Variants in TAFA1 observed in about 807,000 individuals in gnomAD.
TAFA1 encodes the protein TAFA chemokine like family member 1, also known as chemokine-like protein TAFA-1.
Under a neutral mutation model 18.5 loss-of-function variants are expected in TAFA1, and 4 were observed. The observed-to-expected ratio is 0.22, with a 90% CI of 0.11 to 0.49. The LOEUF is 0.49. TAFA1 is among the 20% of genes least tolerant of loss of function. TAFA1 has a pLI of 0.98. For synonymous variants in TAFA1, 56 were observed against 55.2 expected (o/e 1.01, Z -0.06); for missense variants, 147 against 169.0 (o/e 0.87, Z 0.72).
intron 2 of TAFA1, among the ~76,000 whole-genome samples, chr3:68,100,498 T>A (rs546600140): frequency 3.5e-4 from 53 of 152,076 alleles, no homozygotes; most frequent in Non-Finnish European, 5.9e-4. Context: ...GCCACCAGAT[T>A]GGTCTTTTGC....
At chr3:68,210,270 C>T (rs774977716) in intron 2 of TAFA1, among the ~76,000 whole-genome samples, 1 of 151,942 alleles carries the variant, frequency 6.6e-6, no homozygotes, top group Non-Finnish European at 1.5e-5. Context: ...TGTCTGAAGG[C>T]CTGGATTTTA....
chr3:68,313,534 G>A (rs899887046), intron 2 of TAFA1, among the ~76,000 whole-genome samples: 1 of 152,154 alleles, frequency 6.6e-6, no homozygotes, highest in Non-Finnish European at 1.5e-5. Flanking sequence ...CCGCAAAGTT[G>A]TTCAAATAAA....
At chr3:68,325,502 GT>G (rs879919970) in intron 2 of TAFA1, among the ~76,000 whole-genome samples, 1 of 152,134 alleles carries the variant, frequency 6.6e-6, no homozygotes, top group Non-Finnish European at 1.5e-5. Flanking sequence ...CTCAGTGCAT[GT>G]TTGTATCTAC....
chr3:68,070,516 A>G (rs910619694), intron 2 of TAFA1, among the ~76,000 whole-genome samples: 4 of 152,180 alleles, frequency 2.6e-5, no homozygotes, highest in Non-Finnish European at 5.9e-5. Flanking sequence ...TGCCCTGGAG[A>G]CATTTCCCCC....
chr3:68,012,410 A>C (rs1034406918), intron 2 of TAFA1, among the ~76,000 whole-genome samples: 2 of 152,218 alleles, frequency 1.3e-5, no homozygotes, highest in East Asian at 3.8e-4. Context: ...TGATGTAGAC[A>C]TTAAAAGGGA....
At chr3:68,164,978 A>G (rs80160530) in intron 2 of TAFA1, among the ~76,000 whole-genome samples, 6,725 of 152,212 alleles carry the variant, frequency 0.044, 221 homozygotes, top group Middle Eastern at 0.11. Flanking sequence ...AAGTCCATGA[A>G]TCCTCTTCCT....
At chr3:68,175,167 C>G (rs1208894975) in intron 2 of TAFA1, among the ~76,000 whole-genome samples, 1 of 151,772 alleles carries the variant, frequency 6.6e-6, no homozygotes, top group Non-Finnish European at 1.5e-5. Flanking sequence ...GATGTCCAGG[C>G]AGAAGTTTGC....
chr3:68,499,471 A>T (rs2072619561), intron 3 of TAFA1, among the ~76,000 whole-genome samples: 1 of 136,024 alleles, frequency 7.4e-6, no homozygotes, highest in Admixed American at 7.7e-5. Flanking sequence ...TTTTGAGAAG[A>T]CATGCTACAA....
chr3:68,543,889 T>C (rs2073416586), intron 4 of TAFA1, among the ~76,000 whole-genome samples: 1 of 152,084 alleles, frequency 6.6e-6, no homozygotes, highest in African/African-American at 2.4e-5. Context: ...TTTCTCACCT[T>C]GCACAGGAAC....
chr3:68,072,376 C>T (rs116428718), intron 2 of TAFA1, among the ~76,000 whole-genome samples: 2,559 of 152,178 alleles, frequency 0.017, 79 homozygotes, highest in African/African-American at 0.058. Context: ...GAGTTTTATA[C>T]TGTGAATTTT....
At chr3:68,294,913 C>T (rs1235999671) in intron 2 of TAFA1, among the ~76,000 whole-genome samples, 1 of 152,158 alleles carries the variant, frequency 6.6e-6, no homozygotes, top group Non-Finnish European at 1.5e-5. Context: ...TTGAATCACA[C>T]AGCCACATTT....
At chr3:68,248,931 A>G (rs1397009707) in intron 2 of TAFA1, among the ~76,000 whole-genome samples, 1 of 151,860 alleles carries the variant, frequency 6.6e-6, no homozygotes, top group Non-Finnish European at 1.5e-5. Flanking sequence ...CCATGGGACC[A>G]TTTCTGTAAT....
chr3:68,202,990 G>A (rs945399143), intron 2 of TAFA1, among the ~76,000 whole-genome samples: 22 of 151,696 alleles, frequency 1.5e-4, no homozygotes, highest in African/African-American at 4.6e-4. Flanking sequence ...TTTAAGGCAT[G>A]TTTGCTGACT....
intron 3 of TAFA1, among the ~76,000 whole-genome samples, chr3:68,442,487 A>C (rs2071402353): frequency 6.6e-6 from 1 of 152,128 alleles, no homozygotes; most frequent in African/African-American, 2.4e-5. Context: ...ACCTCTCAAT[A>C]CTGTTAAGTT....
At chr3:68,263,448 C>CAT (rs1387020428) in intron 2 of TAFA1, among the ~76,000 whole-genome samples, 1 of 140,262 alleles carries the variant, frequency 7.1e-6, no homozygotes, top group Non-Finnish European at 1.6e-5. Context: ...CACACACATA[C>CAT]ACACACACAC....
chr3:67,992,828 C>T, the TAFA1 span, among the ~76,000 whole-genome samples: 1 of 152,284 alleles, frequency 6.6e-6, no homozygotes, highest in African/African-American at 2.4e-5. Flanking sequence ...CCCCAGGTAA[C>T]CTTTTTCCTC....
chr3:68,302,163 G>A (rs1000596737), intron 2 of TAFA1, among the ~76,000 whole-genome samples: 1 of 152,140 alleles, frequency 6.6e-6, no homozygotes, highest in Non-Finnish European at 1.5e-5. Flanking sequence ...GAATTTGAAA[G>A]GCCAAAGTAA....
At chr3:68,511,312 A>G (rs1406887182) in intron 3 of TAFA1, among the ~76,000 whole-genome samples, 3 of 152,162 alleles carry the variant, frequency 2.0e-5, no homozygotes, top group Non-Finnish European at 4.4e-5. Flanking sequence ...TGCAAATACT[A>G]CTATTAGCAG....
intron 2 of TAFA1, among the ~76,000 whole-genome samples, chr3:68,090,385 A>G (rs1395097552): frequency 6.6e-6 from 1 of 152,194 alleles, no homozygotes. Context: ...CAGGACACTA[A>G]CAATTCATTT....
Sources: gnomAD v4.1 joint callset for allele counts (sites outside exome capture counted in the v4.1 genomes callset) on GRCh38, gnomAD v4.1.1 for gene constraint, MANE v1.5 for transcripts, NCBI Gene and HGNC (gene_info 2026-07-23, HGNC 2026-07-21) for gene names.